Variants in DCUN1D1 observed in about 807,000 individuals in gnomAD.
The protein encoded by DCUN1D1 is defective in cullin neddylation 1 domain containing 1.
Under a neutral mutation model 39.0 loss-of-function variants are expected in DCUN1D1, and 3 were observed. The observed-to-expected ratio is 0.08, with a 90% CI of 0.04 to 0.20. The LOEUF is 0.20. Ranked by LOEUF, DCUN1D1 falls within the 10% of genes least tolerant of loss-of-function variation. DCUN1D1 has a pLI of 1.00. For synonymous variants in DCUN1D1, 82 were observed against 96.3 expected, an observed-to-expected ratio of 0.85 and a Z score of 0.87; for missense variants, 158 against 302.4, an observed-to-expected ratio of 0.52 and a Z score of 3.54.
rs746842955 is a variant in DCUN1D1 at position 182,947,573 on chromosome 3, C to T, written c.580G>A (p.Asp194Asn). The T allele has an allele frequency of 6.3e-7, 1 of 1,584,302 alleles. No individual in the cohort carries two copies. Among genetic ancestry groups the T allele is most frequent in the Non-Finnish European group, 8.6e-7 (1 of 1,160,164 alleles). ...ACCAACAAAAATTTATTCCATAAGT[C>T]TAAGAATTTAAATCTTCCATTAAGC... ...LVLNGRFKFL[D>N]LWNKFLLEHH... is the part of the protein sequence containing the mutation. The change falls in exon 5 of 7, where the codon GAC becomes AAC. Residue 194 changes from aspartate (D) to asparagine (N), a missense_variant. Around this residue, in one of 4 missense-constraint regions of DCUN1D1, gnomAD observed 107 missense variants for 174.7 expected, o/e 0.61. Coordinates refer to ENST00000292782, the MANE Select transcript of DCUN1D1 (RefSeq NM_020640.4).
chr3:182,947,093 C>G, intron 6 of DCUN1D1, 145 bp downstream of exon 6: 6 of 572,794 alleles, frequency 1.0e-5, no homozygotes, highest in Non-Finnish European at 9.1e-6. Flanking sequence ...CAGAATGAGA[C>G]TCTATCTCAA....
intron 1 of DCUN1D1, chr3:182,980,284 C>A: frequency 3.0e-6 from 1 of 333,648 alleles, no homozygotes; most frequent in South Asian, 1.2e-4. Flanking sequence ...TCGGCTCTCG[C>A]GTAGCGGCTG....
intron 4 of DCUN1D1, among the ~76,000 whole-genome samples, chr3:182,953,417 G>A (rs1313897221): frequency 6.6e-6 from 1 of 152,158 alleles, no homozygotes; most frequent in Non-Finnish European, 1.5e-5. Context: ...GCTAGCGAGA[G>A]GTGATTTAAC....
intron 1 of DCUN1D1, among the ~76,000 whole-genome samples, chr3:182,970,164 G>A (rs1727860070): frequency 6.6e-6 from 1 of 152,038 alleles, no homozygotes; most frequent in South Asian, 2.1e-4. Flanking sequence ...AGGCTGAGGT[G>A]GGAAGATGAG....
At position 182,941,023 on chromosome 3, in the gene DCUN1D1, T is replaced by C. The variant is rs1726110613; in HGVS notation, c.*4071A>G. ...TTTTTCAAAATCAACCAAAGGAAAA[T>C]AAAAAAACACATTAATAGGAAACAC... On this transcript the variant is annotated 3_prime_UTR_variant, in exon 7 of 7. Coordinates refer to ENST00000292782, the MANE Select transcript of DCUN1D1 (RefSeq NM_020640.4). 1 of 151,722 alleles carries C rather than the reference T, an allele frequency of 6.6e-6. No homozygotes were observed. The allele number at this position is 151,722 out of a possible 1,614,324, so 9.4% of individuals were successfully genotyped here. A position where few individuals can be genotyped will look rare whatever the true frequency, so the allele number is the denominator to read the frequency against.
intron 1 of DCUN1D1, among the ~76,000 whole-genome samples, chr3:182,970,897 G>A (rs1033519721): frequency 2.0e-5 from 3 of 152,172 alleles, no homozygotes; most frequent in African/African-American, 7.2e-5. Context: ...GAAGTCAAAA[G>A]TGCAGGAAAA....
At chr3:182,964,925 C>T (rs1727592285) in intron 2 of DCUN1D1, among the ~76,000 whole-genome samples, 1 of 152,120 alleles carries the variant, frequency 6.6e-6, no homozygotes, top group South Asian at 2.1e-4. Context: ...AGGTGTGAGC[C>T]ACCACGCCCA....
chr3:182,980,544 G>T, upstream of DCUN1D1: 1 of 1,189,776 alleles, frequency 8.4e-7, no homozygotes, highest in South Asian at 2.2e-5. Flanking sequence ...CGAATGGACG[G>T]CGGCGGCGGC....
At chr3:182,950,764 G>A (rs1215046407) in intron 4 of DCUN1D1, 1 of 151,692 alleles carries the variant, frequency 6.6e-6, no homozygotes, top group African/African-American at 2.4e-5. Context: ...CAGCACTTTG[G>A]GAGGCCAAGG....
At position 182,967,569 on chromosome 3, in the gene DCUN1D1, A is replaced by G. The variant is rs550576348; in HGVS notation, c.4-1816T>C. 9.2e-5 allele frequency among the ~76,000 whole-genome samples: 14 copies of G among 152,320 alleles called. 2 individuals are homozygous for G. The South Asian group carries it at 2.9e-3, about 32-fold the overall frequency. On this transcript the variant is annotated intron_variant, in intron 1 of 6. Transcript: ENST00000292782. ...CTCTCTTTGTAAATATGTTACTGTT[A>G]GGATTACAGATTAAAATCTCAACCT...
At chr3:182,957,269 G>T (rs1318210778) in intron 4 of DCUN1D1, among the ~76,000 whole-genome samples, 2 of 152,156 alleles carry the variant, frequency 1.3e-5, no homozygotes, top group Non-Finnish European at 2.9e-5. Flanking sequence ...TGCTACTTTG[G>T]GTAGGTTAAA....
At chr3:182,980,625 G>A, upstream of DCUN1D1, 2 of 1,034,684 alleles carry the variant, frequency 1.9e-6, no homozygotes, top group South Asian at 4.2e-5. Flanking sequence ...GCGGCCCGAG[G>A]AGGCAGCCCC....
intron 4 of DCUN1D1, among the ~76,000 whole-genome samples, chr3:182,957,779 T>C (rs963478490): frequency 6.7e-6 from 1 of 149,676 alleles, no homozygotes; most frequent in African/African-American, 2.5e-5. Context: ...CCACAAGAAA[T>C]TAAAAAATTA....
chr3:182,947,747 T>C, intron 4 of DCUN1D1, 115 bp from the exon 5 acceptor site: 2 of 633,048 alleles, frequency 3.2e-6, no homozygotes, highest in Admixed American at 3.4e-5. Context: ...ATAAAAAACT[T>C]GTATCCTGAA....
chr3:182,965,481 C>T, intron 2 of DCUN1D1, 56 bp downstream of exon 2: 1 of 1,147,186 alleles, frequency 8.7e-7, no homozygotes, highest in Non-Finnish European at 1.3e-6. Context: ...CTCATAAGCC[C>T]ATCTCTTTGG....
intron 1 of DCUN1D1, among the ~76,000 whole-genome samples, chr3:182,967,157 T>C (rs955934035): frequency 7.2e-6 from 1 of 138,420 alleles, no homozygotes; most frequent in Admixed American, 7.2e-5. Flanking sequence ...TATATATATA[T>C]ATTTTCTGTG....
Position 182,945,036 on chromosome 3 carries a change from C to T in DCUN1D1, c.*58G>A. ...GTCCAGCCAGCAGAAATTGACTGTG[C>T]AATTTTCTGTTGTATTTATTGTACA... On this transcript the variant is annotated 3_prime_UTR_variant, in exon 7 of 7. Coordinates refer to ENST00000292782, the MANE Select transcript of DCUN1D1 (RefSeq NM_020640.4). The T allele has an allele frequency of 7.0e-7, 1 of 1,430,380 alleles. No homozygotes were observed. Among genetic ancestry groups the T allele is most frequent in the African/African-American group, 1.4e-5 (1 of 71,224 alleles). 88.6% of individuals were successfully genotyped at this position (1,430,380 alleles called of 1,614,324 possible). A position where few individuals can be genotyped will look rare whatever the true frequency, so the allele number is the denominator to read the frequency against.
Position 182,975,974 on chromosome 3 carries a change from G to A in DCUN1D1, c.3+4513C>T, listed in dbSNP as rs192627197. 4.6e-5 allele frequency among the ~76,000 whole-genome samples: 7 copies of A among 150,604 alleles called. No homozygotes were observed. The East Asian group carries it at 7.8e-4, about 17-fold the overall frequency. ...TACCTTCTCGATAAATGTTAATTTCGTTTCTTTGTCCCCAAAGGCCCAGTT... is the reference window on the plus strand; with the variant it reads ...TACCTTCTCGATAAATGTTAATTTCATTTCTTTGTCCCCAAAGGCCCAGTT... On this transcript the variant is annotated intron_variant, in intron 1 of 6. Coordinates refer to ENST00000292782, the MANE Select transcript of DCUN1D1 (RefSeq NM_020640.4).
chr3:182,948,076 T>C (rs1726509727), intron 4 of DCUN1D1, among the ~76,000 whole-genome samples: 2 of 152,138 alleles, frequency 1.3e-5, no homozygotes, highest in African/African-American at 4.8e-5. Flanking sequence ...CAGTAGCAGC[T>C]TCACTCAGCC....
Sources: gnomAD v4.1 joint callset for allele counts (sites outside exome capture counted in the v4.1 genomes callset) on GRCh38, gnomAD v4.1.1 for gene constraint, gnomAD v4.1.1 regional missense constraint, MANE v1.5 for transcripts, NCBI Gene and HGNC (gene_info 2026-07-23, HGNC 2026-07-21) for gene names.